Variants in DHX37 observed in about 807,000 individuals in gnomAD.
DHX37 encodes probable ATP-dependent RNA helicase DHX37.
In DHX37, 52 loss-of-function variants were observed where a neutral mutation model predicts 134.3. The ratio of observed to expected loss-of-function variants is 0.39; its 90% CI spans 0.31 to 0.49. DHX37 has a LOEUF of 0.49. Among genes scored for constraint, DHX37 ranks in the 20% least tolerant of loss-of-function variants. The probability of loss-of-function intolerance (pLI) is 0.93; values close to 1 mark genes in which losing one functional copy is unlikely to be tolerated. For synonymous variants in DHX37, 634 were observed against 670.7 expected, an observed-to-expected ratio of 0.95 and a Z score of 0.85; for missense variants, 1,344 against 1,580.8, an observed-to-expected ratio of 0.85 and a Z score of 2.54.
Position 124,947,692 on chromosome 12 carries a change from T to A in DHX37, c.*110A>T. ...GGTTCCCAGGGCTTGACCCACTTCC[T>A]GAGAGCAGGCCACGAAGCCCATGCC... On this transcript the variant is annotated 3_prime_UTR_variant, in exon 27 of 27. Transcript: ENST00000308736. 1 of 1,384,562 alleles carries A rather than the reference T, an allele frequency of 7.2e-7. No individual in the cohort carries two copies. The highest frequency in any genetic ancestry group is 9.6e-7 in the Non-Finnish European group (1 of 1,040,166). 85.8% of individuals were successfully genotyped at this position (1,384,562 alleles called of 1,614,324 possible).
At chr12:124,988,791 ACCC>A (rs2135978496) in intron 1 of DHX37, 123 bp downstream of exon 1, 5 of 454,142 alleles carry the variant, frequency 1.1e-5, no homozygotes, top group Non-Finnish European at 1.5e-5. Context: ...GAATGGGGGG[ACCC>A]ATTCCCCCAT....
chr12:124,947,786 G>A lies in DHX37; in HGVS notation c.*16C>T. ...AGTCCCCAAACCAGTCCTCGGCCCT[G>A]CAGCCAGGTTTCTGGTCAGTGGACA... On this transcript the variant is annotated 3_prime_UTR_variant, in exon 27 of 27. Transcript: ENST00000308736. 3 of 1,549,226 alleles carry A rather than the reference G, an allele frequency of 1.9e-6. No homozygotes were observed. The highest frequency in any genetic ancestry group is 2.6e-6 in the Non-Finnish European group (3 of 1,146,952).
intron 20 of DHX37, 63 bp downstream of exon 20, chr12:124,953,817 C>T (rs546206510): frequency 6.3e-6 from 10 of 1,582,352 alleles, no homozygotes; most frequent in East Asian, 2.3e-5. Context: ...CTTTTTTAAA[C>T]ATTTCAAGTG....
At position 124,953,997 on chromosome 12, in the gene DHX37, C is replaced by G; in HGVS notation, c.2579-1G>C. On this transcript the variant is annotated splice_acceptor_variant, in intron 19 of 26. Coordinates refer to ENST00000308736, the MANE Select transcript of DHX37 (RefSeq NM_032656.4). LOFTEE classifies it high-confidence loss of function. ...GCATACTCACAGGCTCCCACGGCGC[C>G]TGGGGAACGAAGAGGGGGCATGCTC... 1 of 1,613,654 alleles carries G rather than the reference C, an allele frequency of 6.2e-7. No homozygotes were observed. Among genetic ancestry groups the G allele is most frequent in the Non-Finnish European group, 8.5e-7 (1 of 1,179,976 alleles).
chr12:124,954,105 C>T lies in DHX37; in HGVS notation c.2560G>A (p.Asp854Asn), dbSNP rs746044350. 2 of 1,609,524 alleles carry T rather than the reference C, an allele frequency of 1.2e-6. No individual in the cohort carries two copies. The highest frequency in any genetic ancestry group is 1.1e-5 in the South Asian group (1 of 90,490). ...CACAAACCCAGCAGCACCATGAGGT[C>T]GCCGAGCTTCAGAGAAGCCCCCTGC... ...AGQGASLKLG[D>N]LMVLLGAVGA... The change falls in exon 19 of 27, where the codon GAC (aspartate) becomes AAC (asparagine). Residue 854 changes from aspartate (D) to asparagine (N), a missense_variant. Physicochemically the swap from Asp to Asn is conservative, Grantham distance 23. Coordinates refer to ENST00000308736, the MANE Select transcript of DHX37 (RefSeq NM_032656.4).
chr12:124,965,857 G>C, intron 12 of DHX37, 45 bp from the exon 13 acceptor site: 1 of 1,589,994 alleles, frequency 6.3e-7, no homozygotes, highest in South Asian at 1.1e-5. Context: ...GGGATCCTGG[G>C]TGTGAGGACG....
intron 8 of DHX37, among the ~76,000 whole-genome samples, chr12:124,970,874 T>C (rs1219979223): frequency 1.3e-5 from 2 of 152,118 alleles, no homozygotes; most frequent in Non-Finnish European, 2.9e-5. Context: ...TGTGTCAGGC[T>C]GGGGCAGGGA....
intron 10 of DHX37, among the ~76,000 whole-genome samples, chr12:124,968,059 A>G (rs1330091257): frequency 1.5e-5 from 2 of 136,396 alleles, no homozygotes; most frequent in Non-Finnish European, 3.2e-5. Flanking sequence ...CAGCCTGGGC[A>G]ACAAGAGTAA....
intron 15 of DHX37, among the ~76,000 whole-genome samples, chr12:124,963,956 G>A (rs1456029896): frequency 1.3e-5 from 2 of 150,394 alleles, no homozygotes; most frequent in Non-Finnish European, 3.0e-5. Flanking sequence ...TCAGGAGTTC[G>A]AGACCAGTCT....
At position 124,947,382 on chromosome 12, in the gene DHX37, G is replaced by T; in HGVS notation, c.*420C>A. On this transcript the variant is annotated 3_prime_UTR_variant, in exon 27 of 27. Coordinates refer to ENST00000308736, the MANE Select transcript of DHX37 (RefSeq NM_032656.4). ...GGGACGGCTGTGAGGCCAGGGCTGGGCAGCCCTCCCTGACTCTGGAGAGGG... is the reference window on the plus strand; with the variant it reads ...GGGACGGCTGTGAGGCCAGGGCTGGTCAGCCCTCCCTGACTCTGGAGAGGG... The T allele has an allele frequency of 6.3e-6, 1 of 159,384 alleles. No homozygotes were observed. Among genetic ancestry groups the T allele is most frequent in the Non-Finnish European group, 1.4e-5 (1 of 72,962 alleles). The allele number at this position is 159,384 out of a possible 1,614,324, so 9.9% of individuals were successfully genotyped here.
chr12:124,984,827 T>A (rs1353792429), intron 2 of DHX37, among the ~76,000 whole-genome samples: 1 of 152,230 alleles, frequency 6.6e-6, no homozygotes, highest in Admixed American at 6.5e-5. Flanking sequence ...CAAAGACGTG[T>A]TCGTATCCCA....
At chr12:124,969,604 A>T (rs74385994) in intron 8 of DHX37, among the ~76,000 whole-genome samples, 3,578 of 151,896 alleles carry the variant, frequency 0.024, 146 homozygotes, top group African/African-American at 0.082. Flanking sequence ...GATGGCCCCC[A>T]AAGACATAAA....
chr12:124,978,023 C>T (rs537844496), intron 4 of DHX37, among the ~76,000 whole-genome samples: 91 of 152,176 alleles, frequency 6.0e-4, no homozygotes, highest in Non-Finnish European at 1.2e-3. Flanking sequence ...TGCAATGGCG[C>T]GATCTCGGCT....
Position 124,972,515 on chromosome 12 carries a change from T to G in DHX37, c.1065A>C (p.Lys355Asn), listed in dbSNP as rs1364789545. The G allele has an allele frequency of 6.2e-7, 1 of 1,614,108 alleles. No homozygotes were observed. The highest frequency in any genetic ancestry group is 1.3e-5 in the African/African-American group (1 of 74,958). The change falls in exon 7 of 27, where the codon AAA (lysine) becomes AAC (asparagine). Residue 355 changes from lysine to asparagine, a missense_variant. Physicochemically the swap from Lys to Asn is moderately conservative, Grantham distance 94. Transcript: ENST00000308736. Reference protein sequence around the residue: ...IKFMTDGVLLKEIQKDFLLLR... With the variant: ...IKFMTDGVLLNEIQKDFLLLR... ...ATCCACAACCAACCTTCTGGATTTC[T>G]TTAAGCAGCACACCATCCGTCATGA...
chr12:124,953,949 C>G lies in DHX37; in HGVS notation c.2626G>C (p.Glu876Gln). 1 of 1,613,382 alleles carries G rather than the reference C, an allele frequency of 6.2e-7. No homozygotes were observed. Among genetic ancestry groups the G allele is most frequent in the Non-Finnish European group, 8.5e-7 (1 of 1,179,932 alleles). Residue 876 changes from glutamate (E) to glutamine (Q), a missense_variant, in exon 20 of 27, where the codon GAA becomes CAA. Glu to Gln is a conservative substitution (Grantham distance 29). Coordinates refer to ENST00000308736, the MANE Select transcript of DHX37 (RefSeq NM_032656.4). ...EYASCTPQFC[E>Q]ANGLRYKAMM... ...GCTTTGTACCGCAGCCCGTTGGCTT[C>G]GCAAAACTGGGGTGTGCAGCTGGCA...
chr12:124,988,954 G>C lies in DHX37; in HGVS notation c.69C>G (p.Gly23=). ...RQQAGPGPSK[G]PPEPPPVQLE... is the part of the protein sequence containing the mutation. ...GCTGCACGGGGGGCGGCTCGGGGGG[G>C]CCCTTCGAGGGTCCGGGGCCCGCCT... Residue 23 remains glycine (G), a synonymous_variant, in exon 1 of 27, where the codon GGC becomes GGG. Coordinates refer to ENST00000308736, the MANE Select transcript of DHX37 (RefSeq NM_032656.4). 7.4e-7 allele frequency: 1 copy of C among 1,342,688 alleles called. No individual in the cohort carries two copies. The highest frequency in any genetic ancestry group is 9.6e-7 in the Non-Finnish European group (1 of 1,037,932). 83.2% of individuals were successfully genotyped at this position (1,342,688 alleles called of 1,614,324 possible). A position where few individuals can be genotyped will look rare whatever the true frequency, so the allele number is the denominator to read the frequency against.
chr12:124,988,190 CG>C (rs1954911141), intron 1 of DHX37, among the ~76,000 whole-genome samples: 2 of 151,886 alleles, frequency 1.3e-5, no homozygotes. Context: ...TGCCCTCTCC[CG>C]TAGAGAAAAA....
At chr12:124,975,973 C>G (rs367946598) in intron 5 of DHX37, among the ~76,000 whole-genome samples, 17 of 152,232 alleles carry the variant, frequency 1.1e-4, no homozygotes, top group African/African-American at 4.1e-4. Flanking sequence ...CCTGTAAGTG[C>G]GGGGCCCACT....
intron 1 of DHX37, among the ~76,000 whole-genome samples, chr12:124,987,107 G>A (rs1377141659): frequency 1.3e-5 from 2 of 152,184 alleles, no homozygotes; most frequent in African/African-American, 4.8e-5. Flanking sequence ...TGCAATCCCA[G>A]CACTTTGGGA....
Sources: gnomAD v4.1 joint callset for allele counts (sites outside exome capture counted in the v4.1 genomes callset) on GRCh38, gnomAD v4.1.1 for gene constraint, MANE v1.5 for transcripts, NCBI Gene and HGNC (gene_info 2026-07-23, HGNC 2026-07-21) for gene names.